The following PPP1R37 variants were observed in gnomAD, a reference collection of about 807,000 sequenced individuals.
PPP1R37 encodes the protein leucine rich repeat containing 68.
In PPP1R37, 21 loss-of-function variants were observed where a neutral mutation model predicts 61.0. That is an observed-to-expected ratio of 0.34 (90% CI 0.24 to 0.50). PPP1R37 has a LOEUF of 0.50. PPP1R37 is among the 20% of genes least tolerant of loss of function. PPP1R37 has a pLI of 0.98. For synonymous variants in PPP1R37, 443 were observed against 433.5 expected (o/e 1.02, Z -0.27); for missense variants, 910 against 952.7 (o/e 0.96, Z 0.59).
chr19:45,140,860 C>T (rs1052046316), intron 4 of PPP1R37, among the ~76,000 whole-genome samples: 1 of 152,114 alleles, frequency 6.6e-6, no homozygotes, highest in Non-Finnish European at 1.5e-5. Flanking sequence ...GAGGGGCAGG[C>T]GTGTGGCCCC....
rs1330226681 is a variant in PPP1R37 at position 45,146,421 on chromosome 19, C to T, written c.2025C>T (p.Leu675=). Residue 675 remains leucine (L), a synonymous_variant, in exon 12 of 13, where the codon CTC becomes CTT. Coordinates refer to ENST00000221462, the MANE Select transcript of PPP1R37 (RefSeq NM_019121.2). Reference sequence around the variant, plus strand: ...GCTGCTCCAAGAACGAGAAGGAGCTCGAGGAGCTGCTTCTGGAAGCCAGTC... The same window carrying T: ...GCTGCTCCAAGAACGAGAAGGAGCTTGAGGAGCTGCTTCTGGAAGCCAGTC... ...ELSCSKNEKE[L]EELLLEASQE... 3 of 1,535,830 alleles carry T rather than the reference C, an allele frequency of 2.0e-6. No homozygotes were observed. Among genetic ancestry groups the T allele is most frequent in the East Asian group, 2.4e-5 (1 of 40,892 alleles).
At chr19:45,098,287 G>A (rs1009772857) in intron 1 of PPP1R37, among the ~76,000 whole-genome samples, 1 of 152,358 alleles carries the variant, frequency 6.6e-6, no homozygotes, top group East Asian at 1.9e-4. Flanking sequence ...TGAAGGCCAA[G>A]GCCAGACTTA....
chr19:45,105,762 C>T (rs1968122569), intron 1 of PPP1R37, among the ~76,000 whole-genome samples: 1 of 152,220 alleles, frequency 6.6e-6, no homozygotes, highest in Admixed American at 6.5e-5. Flanking sequence ...GCCTTCCTTG[C>T]TGTGCCTGGA....
chr19:45,093,423 C>G lies in PPP1R37; in HGVS notation c.98C>G (p.Pro33Arg), dbSNP rs1409455108. ...GCCGGGTCTCCCAGCCCCGCGTCGC[C>G]CCCCGCCGATGGGCGCCTCAAGGCT... is the stretch of plus-strand genomic sequence containing the variant. ...AEAGSPSPASPPADGRLKAAA... is the reference protein window; with the variant it reads ...AEAGSPSPASRPADGRLKAAA... Residue 33 changes from proline to arginine, a missense_variant, in exon 1 of 13, where the codon CCC becomes CGC. Around this residue, in one of 3 missense-constraint regions of PPP1R37, gnomAD observed 81 missense variants for 65.4 expected, o/e 1.24. Transcript: ENST00000221462. The G allele has an allele frequency of 6.5e-7, 1 of 1,534,798 alleles. No homozygotes were observed.
At chr19:45,096,514 A>G (rs1365282179) in intron 1 of PPP1R37, among the ~76,000 whole-genome samples, 1 of 152,196 alleles carries the variant, frequency 6.6e-6, no homozygotes, top group Non-Finnish European at 1.5e-5. Context: ...CCACATAAAT[A>G]GCAGCTGTCA....
At chr19:45,115,002 T>C (rs1174321370) in intron 1 of PPP1R37, among the ~76,000 whole-genome samples, 1 of 152,124 alleles carries the variant, frequency 6.6e-6, no homozygotes, top group Non-Finnish European at 1.5e-5. Context: ...GAGAGTGTTA[T>C]TAGTCTCCAC....
At chr19:45,124,510 T>C (rs1031422266) in intron 1 of PPP1R37, among the ~76,000 whole-genome samples, 7 of 152,170 alleles carry the variant, frequency 4.6e-5, no homozygotes, top group African/African-American at 7.2e-5. Flanking sequence ...TCTACCTGTC[T>C]GCCTGGCCTT....
chr19:45,145,811 G>GTCCCCCACCCCTCCCTC lies in PPP1R37; in HGVS notation c.1767_1783dup (p.Pro595LeufsTer49). 2 of 1,448,370 alleles carry GTCCCCCACCCCTCCCTC rather than the reference G, an allele frequency of 1.4e-6. No homozygotes were observed. Among genetic ancestry groups the GTCCCCCACCCCTCCCTC allele is most frequent in the Non-Finnish European group, 1.8e-6 (2 of 1,103,090 alleles). The allele number at this position is 1,448,370 out of a possible 1,614,324, so 89.7% of individuals were successfully genotyped here. ...CGCCCGAGAGGGCAGAGCCCCCTGC[G>GTCCCCCACCCCTCCCTC]TCCCCCACCCCTCCCTCTCCCCCAC... On this transcript the variant is annotated frameshift_variant, in exon 11 of 13. Transcript: ENST00000221462. LOFTEE classifies it high-confidence loss of function.
chr19:45,134,331 C>T (rs1461594090), intron 1 of PPP1R37, among the ~76,000 whole-genome samples: 2 of 152,174 alleles, frequency 1.3e-5, no homozygotes, highest in Non-Finnish European at 2.9e-5. Context: ...GATACTAATA[C>T]TCCCGTGATG....
chr19:45,122,614 A>C (rs1968355755), intron 1 of PPP1R37, among the ~76,000 whole-genome samples: 1 of 152,104 alleles, frequency 6.6e-6, no homozygotes, highest in African/African-American at 2.4e-5. Flanking sequence ...TGGCCAGGGA[A>C]GGCCTTTGAG....
intron 1 of PPP1R37, among the ~76,000 whole-genome samples, chr19:45,106,983 A>AT: frequency 6.6e-6 from 1 of 151,184 alleles, no homozygotes; most frequent in South Asian, 2.1e-4. Context: ...TGCCCGGCTA[A>AT]TTTTTTGTGT....
At chr19:45,094,752 G>T (rs1967970743) in intron 1 of PPP1R37, among the ~76,000 whole-genome samples, 1 of 152,100 alleles carries the variant, frequency 6.6e-6, no homozygotes. Flanking sequence ...AAAAGAATTG[G>T]GGGATGTTAT....
rs1035072540 is a variant in PPP1R37 at position 45,111,833 on chromosome 19, G to T, written c.202+18306G>T. ...TGTCAGGTTCAATAAAAAGGGAAAG[G>T]GTCATCAGGTGGCCTTTTTAAAAGT... On this transcript the variant is annotated intron_variant, in intron 1 of 12. Coordinates refer to ENST00000221462, the MANE Select transcript of PPP1R37 (RefSeq NM_019121.2). 2.0e-5 allele frequency among the ~76,000 whole-genome samples: 3 copies of T among 152,030 alleles called. No homozygotes were observed. In the South Asian group the frequency reaches 6.2e-4, roughly 32 times the overall value.
At chr19:45,129,253 C>A (rs967541316) in intron 1 of PPP1R37, among the ~76,000 whole-genome samples, 1 of 152,178 alleles carries the variant, frequency 6.6e-6, no homozygotes, top group Non-Finnish European at 1.5e-5. Context: ...CCATCCTTTT[C>A]CCTGCTCGCA....
At chr19:45,099,905 C>T (rs900633302) in intron 1 of PPP1R37, among the ~76,000 whole-genome samples, 1 of 152,252 alleles carries the variant, frequency 6.6e-6, no homozygotes, top group Non-Finnish European at 1.5e-5. Flanking sequence ...TTCTGACTCC[C>T]GGAAGAGCAC....
intron 1 of PPP1R37, among the ~76,000 whole-genome samples, chr19:45,109,974 C>T: frequency 6.6e-6 from 1 of 152,154 alleles, no homozygotes; most frequent in East Asian, 1.9e-4. Context: ...TGGCTTATGG[C>T]CTCCTGTCCC....
At chr19:45,128,847 A>T (rs985938456) in intron 1 of PPP1R37, 1 of 624,746 alleles carries the variant, frequency 1.6e-6, no homozygotes, top group Non-Finnish European at 3.0e-6. Flanking sequence ...GTTGATTGGC[A>T]TCCAGGAAGG....
At chr19:45,112,480 C>T (rs1968214209) in intron 1 of PPP1R37, among the ~76,000 whole-genome samples, 1 of 152,224 alleles carries the variant, frequency 6.6e-6, no homozygotes, top group South Asian at 2.1e-4. Flanking sequence ...GCTTGTTCTC[C>T]AAGAGTCTCC....
intron 1 of PPP1R37, among the ~76,000 whole-genome samples, chr19:45,133,779 A>G (rs982453580): frequency 1.3e-5 from 2 of 152,242 alleles, no homozygotes; most frequent in Admixed American, 6.5e-5. Context: ...ACTGGGCATC[A>G]CATGACCTTT....
Sources: gnomAD v4.1 joint callset for allele counts (sites outside exome capture counted in the v4.1 genomes callset) on GRCh38, gnomAD v4.1.1 for gene constraint, gnomAD v4.1.1 regional missense constraint, MANE v1.5 for transcripts, NCBI Gene and HGNC (gene_info 2026-07-23, HGNC 2026-07-21) for gene names.